The following PAX9 variants were observed in gnomAD, a reference collection of about 807,000 sequenced individuals.
PAX9 encodes paired box protein Pax-9.
In PAX9, 6 loss-of-function variants were observed where a neutral mutation model predicts 29.1. The observed-to-expected ratio is 0.21, with a 90% CI of 0.11 to 0.41. PAX9 has a LOEUF of 0.41. Among genes scored for constraint, PAX9 ranks in the 10% least tolerant of loss-of-function variants. The probability of loss-of-function intolerance (pLI) is 1.00; values close to 1 mark genes in which losing one functional copy is unlikely to be tolerated. For missense variants in PAX9, 443 were observed against 479.1 expected, an observed-to-expected ratio of 0.92 and a Z score of 0.70; for synonymous variants, 217 against 211.7, an observed-to-expected ratio of 1.03 and a Z score of -0.22.
intron 3 of PAX9, among the ~76,000 whole-genome samples, chr14:36,671,627 C>T (rs544871872): frequency 6.6e-6 from 1 of 152,054 alleles, no homozygotes; most frequent in African/African-American, 2.4e-5. Flanking sequence ...TGTGGGGATA[C>T]AAGATGATTA....
chr14:36,664,040 T>G (rs961810848), intron 2 of PAX9, among the ~76,000 whole-genome samples: 2 of 152,210 alleles, frequency 1.3e-5, no homozygotes, highest in Non-Finnish European at 2.9e-5. Context: ...TCAGGCCAAA[T>G]TTGCTCAGGC....
At position 36,678,562 on chromosome 14, in the gene PAX9, T is replaced by C. The variant is rs930154806; in HGVS notation, c.*2110T>C. ...TTTGGTGGAGACTTCTTTAAAACCATACCATACAGGGACTCTCCTGTCATC... is the reference window on the plus strand; with the variant it reads ...TTTGGTGGAGACTTCTTTAAAACCACACCATACAGGGACTCTCCTGTCATC... On this transcript the variant is annotated 3_prime_UTR_variant, in exon 4 of 4. Transcript: ENST00000361487. 2 of 1,535,574 alleles carry C rather than the reference T, an allele frequency of 1.3e-6. No individual in the cohort carries two copies. The highest frequency in any genetic ancestry group is 2.7e-5 in the African/African-American group (2 of 72,944).
intron 3 of PAX9, among the ~76,000 whole-genome samples, chr14:36,668,297 G>A (rs1372869399): frequency 6.6e-6 from 1 of 152,120 alleles, no homozygotes; most frequent in Non-Finnish European, 1.5e-5. Context: ...GTGAAGTATA[G>A]AGTTGAAAAA....
chr14:36,679,303 T>TGTC lies in PAX9; in HGVS notation c.*2852_*2854dup. 1 of 974,566 alleles carries TGTC rather than the reference T, an allele frequency of 1.0e-6. No homozygotes were observed. The highest frequency in any genetic ancestry group is 1.2e-6 in the Non-Finnish European group (1 of 820,136). 60.4% of individuals were successfully genotyped at this position (974,566 alleles called of 1,614,324 possible). ...GAAGGCTATGTATGTATATACAGTATGTCAAAAGCCTTTTATTTTTATACT... is the reference window on the plus strand; with the variant it reads ...GAAGGCTATGTATGTATATACAGTATGTCGTCAAAAGCCTTTTATTTTTATACT... On this transcript the variant is annotated 3_prime_UTR_variant, in exon 4 of 4. Coordinates refer to ENST00000361487, the MANE Select transcript of PAX9 (RefSeq NM_001372076.1).
rs79737986 is a variant in PAX9, at chr14:36,671,284, G to A, written c.771+4683G>A. The A allele has an allele frequency of 5.6e-3, 1,111 of 199,930 alleles. 9 individuals carry two copies. The highest frequency in any genetic ancestry group is 0.01 in the Middle Eastern group (13 of 1,246). The allele number at this position is 199,930 out of a possible 1,614,324, so 12.4% of individuals were successfully genotyped here. On this transcript the variant is annotated intron_variant, in intron 3 of 3. Transcript: ENST00000361487. ...GACAATTCCCAGAATTTGAATAATG[G>A]TCTATAACCTCTAACTGCCAGACAT...
rs1210363888 is a variant in PAX9, at chr14:36,662,224, G to A, written c.4+131G>A. ...CTCACATTCTCTATTGACTTTGCTCGTGTTCCTACAAGTTGTAGGAACACG... is the reference window on the plus strand; with the variant it reads ...CTCACATTCTCTATTGACTTTGCTCATGTTCCTACAAGTTGTAGGAACACG... On this transcript the variant is annotated intron_variant, in intron 1 of 3. Coordinates refer to ENST00000361487, the MANE Select transcript of PAX9 (RefSeq NM_001372076.1). 8 of 1,075,906 alleles carry A rather than the reference G, an allele frequency of 7.4e-6. No homozygotes were observed. The African/African-American group carries it at 9.6e-5, about 13-fold the overall frequency. The allele number at this position is 1,075,906 out of a possible 1,614,324, so 66.6% of individuals were successfully genotyped here. A position where few individuals can be genotyped will look rare whatever the true frequency, so the allele number is the denominator to read the frequency against.
chr14:36,678,949 T>TAAAG lies in PAX9; in HGVS notation c.*2499_*2502dup. 2 of 982,228 alleles carry TAAAG rather than the reference T, an allele frequency of 2.0e-6. No individual in the cohort carries two copies. Among genetic ancestry groups the TAAAG allele is most frequent in the African/African-American group, 1.7e-5 (1 of 57,294 alleles). 60.8% of individuals were successfully genotyped at this position (982,228 alleles called of 1,614,324 possible). ...TAGGATGGATTAAAGGGTTAACTTTTAAAGATTATTATTGGTTAATGTTGA... is the reference window on the plus strand; with the variant it reads ...TAGGATGGATTAAAGGGTTAACTTTTAAAGAAAGATTATTATTGGTTAATGTTGA... On this transcript the variant is annotated 3_prime_UTR_variant, in exon 4 of 4. Coordinates refer to ENST00000361487, the MANE Select transcript of PAX9 (RefSeq NM_001372076.1).
Position 36,663,534 on chromosome 14 carries a change from A to T in PAX9, c.631+11A>T, listed in dbSNP as rs771215842. 45 of 1,612,502 alleles carry T rather than the reference A, an allele frequency of 2.8e-5. 1 individual carries two copies. In the South Asian group the frequency reaches 4.9e-4, roughly 18 times the overall value. ...CCATCACCGACCAAGGTAGGGGCTC[A>T]GAGGCTGGGCGTGTGGATGTGCAGC... On this transcript the variant is annotated intron_variant, in intron 2 of 3. Coordinates refer to ENST00000361487, the MANE Select transcript of PAX9 (RefSeq NM_001372076.1).
intron 2 of PAX9, chr14:36,666,222 C>G (rs1442511336): frequency 7.2e-6 from 4 of 552,352 alleles, no homozygotes; most frequent in Admixed American, 3.2e-5. Flanking sequence ...AAAGTGTCTT[C>G]CCTCAGGCGT....
chr14:36,664,332 C>T (rs1049160972), intron 2 of PAX9, among the ~76,000 whole-genome samples: 2 of 151,904 alleles, frequency 1.3e-5, no homozygotes, highest in East Asian at 3.9e-4. Context: ...TTTCAGTTTT[C>T]CCTGAGCCTG....
chr14:36,664,114 G>A lies in PAX9; in HGVS notation c.631+591G>A, dbSNP rs113564823. ...GCTTCACTTCATTTTCCTCGGAAAT[G>A]GAGGTCCCGAAGTTACTACTAGTAA... is the stretch of plus-strand genomic sequence containing the variant. On this transcript the variant is annotated intron_variant, in intron 2 of 3. Transcript: ENST00000361487. Among the ~76,000 whole-genome samples, 28 of 152,328 alleles carry A rather than the reference G, an allele frequency of 1.8e-4. 2 individuals are homozygous for A. Among genetic ancestry groups the A allele is most frequent in the African/African-American group, 3.6e-4 (15 of 41,574 alleles).
intron 3 of PAX9, among the ~76,000 whole-genome samples, chr14:36,673,376 A>AT (rs1160067082): frequency 2.0e-5 from 3 of 152,138 alleles, no homozygotes; most frequent in Admixed American, 6.5e-5. Flanking sequence ...AAATTTGCTC[A>AT]TTTTTTTACA....
chr14:36,671,434 G>C (rs186007999), intron 3 of PAX9, among the ~76,000 whole-genome samples: 52 of 152,204 alleles, frequency 3.4e-4, no homozygotes, highest in Admixed American at 1.1e-3. Context: ...TAGAACTTCT[G>C]TTTACTTTTT....
intron 2 of PAX9, among the ~76,000 whole-genome samples, chr14:36,664,985 C>A (rs1358418551): frequency 2.6e-5 from 4 of 152,074 alleles, no homozygotes; most frequent in African/African-American, 4.8e-5. Flanking sequence ...AGTGTGAGAT[C>A]AGCAGAAATG....
rs368669343 is a variant in PAX9 at position 36,663,461 on chromosome 14, G to T, written c.569G>T (p.Arg190Leu). ...ATCCCCGGTTCGGTGGCCATGCCGC[G>T]CACCTGGCCCTCCTCGCACTCCGTC... is the stretch of plus-strand genomic sequence containing the variant. ...PAIPGSVAMP[R>L]TWPSSHSVTD... The change falls in exon 2 of 4, where the codon CGC (arginine) becomes CTC (leucine). Residue 190 changes from arginine to leucine, a missense_variant. Transcript: ENST00000361487. 1 of 1,612,966 alleles carries T rather than the reference G, an allele frequency of 6.2e-7. No homozygotes were observed. Among genetic ancestry groups the T allele is most frequent in the South Asian group, 1.1e-5 (1 of 91,072 alleles).
At chr14:36,665,557 T>A (rs961747930) in intron 2 of PAX9, among the ~76,000 whole-genome samples, 1 of 152,204 alleles carries the variant, frequency 6.6e-6, no homozygotes, top group African/African-American at 2.4e-5. Context: ...TAATTCAATA[T>A]TCTCAACCCC....
At chr14:36,669,572 G>T (rs190698703) in intron 3 of PAX9, among the ~76,000 whole-genome samples, 1 of 152,208 alleles carries the variant, frequency 6.6e-6, no homozygotes, top group Admixed American at 6.5e-5. Flanking sequence ...AGAGCTTAAA[G>T]CATATTTTTC....
At chr14:36,666,964 C>T (rs937191169) in intron 3 of PAX9, among the ~76,000 whole-genome samples, 1 of 152,154 alleles carries the variant, frequency 6.6e-6, no homozygotes, top group Non-Finnish European at 1.5e-5. Flanking sequence ...TAGAGTTAAC[C>T]AAAGAAGGCG....
intron 3 of PAX9, among the ~76,000 whole-genome samples, chr14:36,675,731 C>T (rs1881861401): frequency 1.3e-5 from 2 of 152,150 alleles, no homozygotes. Flanking sequence ...ACATGACAGG[C>T]TGCAGTCTGT....
Sources: allele counts gnomAD v4.1 joint callset (sites outside exome capture counted in the v4.1 genomes callset), GRCh38; gene constraint gnomAD v4.1.1; transcripts MANE v1.5; gene names NCBI Gene and HGNC (gene_info 2026-07-23, HGNC 2026-07-21).